The following GRIN3A variants were observed in gnomAD, a reference collection of about 807,000 sequenced individuals.
GRIN3A encodes the protein glutamate ionotropic receptor NMDA type subunit 3A.
A neutral mutation model predicts 92.4 loss-of-function variants in GRIN3A; 47 were observed. That is an observed-to-expected ratio of 0.51 (90% CI 0.40 to 0.65). The LOEUF (loss-of-function observed/expected upper bound fraction) is 0.65, where lower values mean the gene tolerates loss of function less well. Among genes scored for constraint, GRIN3A ranks in the 30% least tolerant of loss-of-function variants. GRIN3A has a pLI of 0.00. For missense variants in GRIN3A, 1,324 were observed against 1,393.1 expected (o/e 0.95, Z 0.79); for synonymous variants, 527 against 540.6 (o/e 0.97, Z 0.35).
chr9:101,728,286 G>T (rs1171042458), intron 1 of GRIN3A, among the ~76,000 whole-genome samples: 1 of 152,138 alleles, frequency 6.6e-6, no homozygotes, highest in Admixed American at 6.6e-5. Flanking sequence ...TTGCATGCAG[G>T]TTGTACTGCC....
intron 3 of GRIN3A, among the ~76,000 whole-genome samples, chr9:101,632,437 A>G (rs1828727717): frequency 6.6e-6 from 1 of 152,224 alleles, no homozygotes; most frequent in Non-Finnish European, 1.5e-5. Context: ...GTTATGCAAC[A>G]AGCACAGGGC....
chr9:101,594,637 C>T (rs971779491), intron 6 of GRIN3A: 12 of 1,614,180 alleles, frequency 7.4e-6, no homozygotes, highest in Non-Finnish European at 9.3e-6. Context: ...AAATGCTGAA[C>T]GCAAACCTCA....
intron 7 of GRIN3A, among the ~76,000 whole-genome samples, chr9:101,578,828 C>T (rs1827857108): frequency 6.6e-6 from 1 of 152,014 alleles, no homozygotes; most frequent in Non-Finnish European, 1.5e-5. Flanking sequence ...TTAAAGGGGA[C>T]CAGGGACTTT....
At chr9:101,694,452 G>T (rs146610642) in intron 1 of GRIN3A, among the ~76,000 whole-genome samples, 2 of 152,244 alleles carry the variant, frequency 1.3e-5, no homozygotes, top group Middle Eastern at 3.4e-3. Flanking sequence ...CAAGCTACCT[G>T]CACCAAGCTT....
At chr9:101,654,415 G>A (rs547374919) in intron 3 of GRIN3A, among the ~76,000 whole-genome samples, 28 of 151,058 alleles carry the variant, frequency 1.9e-4, no homozygotes, top group South Asian at 2.1e-4. Context: ...GTTATATACC[G>A]TATATAACAT....
chr9:101,583,952 G>A (rs1407431631), intron 6 of GRIN3A, among the ~76,000 whole-genome samples: 1 of 152,148 alleles, frequency 6.6e-6, no homozygotes, highest in Non-Finnish European at 1.5e-5. Flanking sequence ...TGCCTCCCGG[G>A]TTCAAGCAAT....
At chr9:101,626,104 C>A (rs1828631006) in intron 4 of GRIN3A, among the ~76,000 whole-genome samples, 1 of 152,196 alleles carries the variant, frequency 6.6e-6, no homozygotes, top group Non-Finnish European at 1.5e-5. Context: ...GATCCAGTTA[C>A]AAGTAGCTTC....
At chr9:101,703,365 G>A (rs947833986) in intron 1 of GRIN3A, among the ~76,000 whole-genome samples, 14 of 152,024 alleles carry the variant, frequency 9.2e-5, no homozygotes, top group African/African-American at 3.4e-4. Flanking sequence ...ATCACTATGC[G>A]GCTGATTCTT....
intron 1 of GRIN3A, 131 bp downstream of exon 1, chr9:101,737,150 C>G: frequency 1.3e-6 from 1 of 748,596 alleles, no homozygotes; most frequent in Admixed American, 2.0e-5. Context: ...ATGGCCCAAT[C>G]GTTAAGCAAT....
intron 2 of GRIN3A, among the ~76,000 whole-genome samples, chr9:101,678,478 G>T (rs1200314979): frequency 6.6e-6 from 1 of 152,028 alleles, no homozygotes; most frequent in Non-Finnish European, 1.5e-5. Context: ...TTTTAAAATT[G>T]CATACAAGGC....
intron 6 of GRIN3A, among the ~76,000 whole-genome samples, chr9:101,610,000 T>G (rs1453762893): frequency 2.0e-5 from 3 of 152,218 alleles, no homozygotes; most frequent in Admixed American, 6.5e-5. Context: ...CACCCAGCCT[T>G]GTCTTGCTGT....
Position 101,687,065 on chromosome 9 carries a change from A to G in GRIN3A, c.835T>C (p.Phe279Leu). Reference protein sequence around the residue: ...LCQEDWNITDFLLLTQNNSKF... With the variant: ...LCQEDWNITDLLLLTQNNSKF... ...GAATTATTCTGGGTAAGGAGGAGGA[A>G]GTCGGTGATGTTCCAGTCTTCCTGG... The change falls in exon 2 of 9, where the codon TTC (phenylalanine) becomes CTC (leucine). Residue 279 changes from phenylalanine to leucine, a missense_variant. Coordinates refer to ENST00000361820, the MANE Select transcript of GRIN3A (RefSeq NM_133445.3). 1 of 1,614,168 alleles carries G rather than the reference A, an allele frequency of 6.2e-7. No individual in the cohort carries two copies. Among genetic ancestry groups the G allele is most frequent in the Non-Finnish European group, 8.5e-7 (1 of 1,180,014 alleles).
intron 1 of GRIN3A, among the ~76,000 whole-genome samples, chr9:101,730,308 C>T (rs1361932666): frequency 6.6e-6 from 1 of 152,126 alleles, no homozygotes; most frequent in Non-Finnish European, 1.5e-5. Flanking sequence ...ATTATAGACA[C>T]ATTGCGAATG....
rs796399790 is a variant in GRIN3A at position 101,590,597 on chromosome 9, G to A, written c.2767-11237C>T. Among the ~76,000 whole-genome samples the A allele has an allele frequency of 6.2e-4, 95 of 152,070 alleles. 2 individuals are homozygous for A. In the East Asian group the frequency reaches 0.015, roughly 25 times the overall value. On this transcript the variant is annotated intron_variant, in intron 6 of 8. Coordinates refer to ENST00000361820, the MANE Select transcript of GRIN3A (RefSeq NM_133445.3). ...GGGTTTCACCATGTTGGCCAGGATG[G>A]TCTCGATCTCCTGACCTCGTGATCT...
At chr9:101,610,511 G>A (rs1256384310) in intron 6 of GRIN3A, among the ~76,000 whole-genome samples, 2 of 151,726 alleles carry the variant, frequency 1.3e-5, no homozygotes, top group Non-Finnish European at 2.9e-5. Context: ...GTTTCTTTTT[G>A]TCATGGCTTC....
chr9:101,699,788 T>C (rs1829731701), intron 1 of GRIN3A, among the ~76,000 whole-genome samples: 1 of 152,146 alleles, frequency 6.6e-6, no homozygotes, highest in Admixed American at 6.5e-5. Flanking sequence ...GTTTGTTAAA[T>C]TGTCTAAATA....
chr9:101,634,333 A>AAAC (rs1345569849), intron 3 of GRIN3A, among the ~76,000 whole-genome samples: 1 of 67,196 alleles, frequency 1.5e-5, no homozygotes, highest in Non-Finnish European at 3.8e-5. Flanking sequence ...ACTCCGTCTC[A>AAAC]AAAAAAAAAA....
intron 1 of GRIN3A, among the ~76,000 whole-genome samples, chr9:101,714,636 G>T (rs1208384121): frequency 1.3e-5 from 2 of 152,100 alleles, no homozygotes; most frequent in South Asian, 2.1e-4. Context: ...ATAAACAAGA[G>T]AACCCCAACC....
At chr9:101,625,015 G>T (rs1828612349) in intron 4 of GRIN3A, among the ~76,000 whole-genome samples, 1 of 152,070 alleles carries the variant, frequency 6.6e-6, no homozygotes, top group African/African-American at 2.4e-5. Context: ...CAAAAAGAGG[G>T]AATGGATTCT....
Sources: allele counts gnomAD v4.1 joint callset (sites outside exome capture counted in the v4.1 genomes callset), GRCh38; gene constraint gnomAD v4.1.1; transcripts MANE v1.5; gene names NCBI Gene and HGNC (gene_info 2026-07-23, HGNC 2026-07-21).